KIAA0408: variants seen among roughly 807,000 people sequenced by gnomAD.
The protein encoded by KIAA0408 is uncharacterized protein KIAA0408.
A neutral mutation model predicts 60.9 loss-of-function variants in KIAA0408; 51 were observed. That is an observed-to-expected ratio of 0.84 (90% CI 0.67 to 1.06). KIAA0408 has a LOEUF of 1.06. KIAA0408 is among the 50% of genes least tolerant of loss of function. The pLI, the probability that KIAA0408 is intolerant of heterozygous loss-of-function variation, is 0.00. For missense variants in KIAA0408, 787 were observed against 833.9 expected (o/e 0.94, Z 0.69); for synonymous variants, 304 against 282.4 (o/e 1.08, Z -0.77).
At chr6:127,451,998 AATTTCTAT>A (rs1322969219) in intron 2 of KIAA0408, among the ~76,000 whole-genome samples, 2 of 152,280 alleles carry the variant, frequency 1.3e-5, no homozygotes, top group Non-Finnish European at 2.9e-5. Context: ...TTCTATCCAG[AATTTCTAT>A]CTGGATTATT....
In KIAA0408 at chr6:127,443,085, T is replaced by A. The variant is rs942251670; in HGVS notation, c.*1024A>T. ...TTAGTAAAAAAGTAACTTAGTTTGT[T>A]ATCTATTAATTTTAAGGAAAAGATT... On this transcript the variant is annotated 3_prime_UTR_variant, in exon 6 of 6. Coordinates refer to ENST00000483725, the MANE Select transcript of KIAA0408 (RefSeq NM_014702.5). 7 of 152,170 alleles carry A rather than the reference T, an allele frequency of 4.6e-5. No homozygotes were observed. Among genetic ancestry groups the A allele is most frequent in the African/African-American group, 1.7e-4 (7 of 41,458 alleles). The allele number at this position is 152,170 out of a possible 1,614,324, so 9.4% of individuals were successfully genotyped here. A position where few individuals can be genotyped will look rare whatever the true frequency, so the allele number is the denominator to read the frequency against.
rs145082472 is a variant in KIAA0408 at position 127,447,443 on chromosome 6, C to T, written c.876G>A (p.Arg292=). Residue 292 remains arginine (R), a synonymous_variant, in exon 5 of 6, where the codon AGG becomes AGA. Transcript: ENST00000483725. ...GGGGCACCCAGCTGTTGTGGTCTAA[C>T]CTTTCCTTCCATCTTTCATAGGCTT... ...SEQAYERWKE[R]LDHNSWVPHE... is the part of the protein sequence containing the mutation. 1.3e-5 allele frequency: 21 copies of T among 1,613,848 alleles called. No individual in the cohort carries two copies. The highest frequency in any genetic ancestry group is 8.5e-7 in the Non-Finnish European group (1 of 1,179,964).
chr6:127,441,100 T>C lies in KIAA0408; in HGVS notation c.*3009A>G, dbSNP rs2114782558. On this transcript the variant is annotated 3_prime_UTR_variant, in exon 6 of 6. Coordinates refer to ENST00000483725, the MANE Select transcript of KIAA0408 (RefSeq NM_014702.5). Reference sequence around the variant, plus strand: ...TTCTAATGGCTGAAGGAGATTTCAATATCAAGTAGTTGTTTGTCACAAATG... The same window carrying C: ...TTCTAATGGCTGAAGGAGATTTCAACATCAAGTAGTTGTTTGTCACAAATG... 6.6e-6 allele frequency: 1 copy of C among 152,342 alleles called. No homozygotes were observed. The highest frequency in any genetic ancestry group is 3.4e-3 in the Middle Eastern group (1 of 294). The allele number at this position is 152,342 out of a possible 1,614,324, so 9.4% of individuals were successfully genotyped here. A position where few individuals can be genotyped will look rare whatever the true frequency, so the allele number is the denominator to read the frequency against.
rs745523033 is a variant in KIAA0408 at position 127,449,974 on chromosome 6, ATC to A, written c.498+14_498+15del. ...TTTCTTTAGAAACAGTTCTAGGCCA[ATC>A]ACATCTTACTTACTGTACTGAGGGC... On this transcript the variant is annotated intron_variant, in intron 3 of 5. Coordinates refer to ENST00000483725, the MANE Select transcript of KIAA0408 (RefSeq NM_014702.5). 3.7e-6 allele frequency: 6 copies of A among 1,613,658 alleles called. No individual in the cohort carries two copies. The African/African-American group carries it at 6.7e-5, about 18-fold the overall frequency.
At chr6:127,457,368 A>C (rs769071141) in intron 1 of KIAA0408, among the ~76,000 whole-genome samples, 1 of 152,142 alleles carries the variant, frequency 6.6e-6, no homozygotes, top group Non-Finnish European at 1.5e-5. Context: ...TTTTGTTCCT[A>C]GTTGTCACTC....
chr6:127,448,517 G>A (rs1773243964), intron 4 of KIAA0408, among the ~76,000 whole-genome samples: 1 of 152,074 alleles, frequency 6.6e-6, no homozygotes, highest in Admixed American at 6.5e-5. Context: ...TATTAGGTGT[G>A]ATTTGTAAAA....
Position 127,446,763 on chromosome 6 carries a change from C to G in KIAA0408, c.1556G>C (p.Gly519Ala). Residue 519 changes from glycine (G) to alanine (A), a missense_variant, in exon 5 of 6, where the codon GGC becomes GCC. Transcript: ENST00000483725. ...PDNPTKKSTTGLVRQMQGHLS... is the reference protein window; with the variant it reads ...PDNPTKKSTTALVRQMQGHLS... ...GTGTCCCTGCATTTGTCTTACTAGG[C>G]CTGTTGTGGATTTCTTGGTGGGATT... is the stretch of plus-strand genomic sequence containing the variant. 6.2e-7 allele frequency: 1 copy of G among 1,613,874 alleles called. No individual in the cohort carries two copies. The highest frequency in any genetic ancestry group is 1.3e-5 in the African/African-American group (1 of 74,984).
chr6:127,447,478 C>G lies in KIAA0408; in HGVS notation c.841G>C (p.Asp281His). Residue 281 changes from aspartate to histidine, a missense_variant, in exon 5 of 6, where the codon GAT (aspartate) becomes CAT (histidine). Asp to His is a moderately conservative substitution (Grantham distance 81, BLOSUM62 -1). Around this residue, in one of 3 missense-constraint regions of KIAA0408, gnomAD observed 640 missense variants for 681.3 expected, o/e 0.94. Coordinates refer to ENST00000483725, the MANE Select transcript of KIAA0408 (RefSeq NM_014702.5). ...RSTSRNFPSS[D>H]SEQAYERWKE... ...CATCTTTCATAGGCTTGTTCAGAAT[C>G]CGAGCTGGGAAAATTTCGAGAGGTG... is the stretch of plus-strand genomic sequence containing the variant. The G allele has an allele frequency of 6.2e-7, 1 of 1,613,838 alleles. No individual in the cohort carries two copies. Among genetic ancestry groups the G allele is most frequent in the Middle Eastern group, 1.7e-4 (1 of 6,056 alleles).
At chr6:127,450,466 C>T (rs1773283735) in intron 2 of KIAA0408, 114 bp from the exon 3 acceptor site, 3 of 1,417,620 alleles carry the variant, frequency 2.1e-6, no homozygotes, top group Non-Finnish European at 2.8e-6. Flanking sequence ...AAATATACTT[C>T]CTGGGTATTA....
intron 2 of KIAA0408, 32 bp downstream of exon 2, chr6:127,453,815 T>C (rs1337432788): frequency 6.2e-7 from 1 of 1,601,842 alleles, no homozygotes; most frequent in Admixed American, 1.7e-5. Flanking sequence ...CACTTAAACA[T>C]TACAGTATAT....
Position 127,446,820 on chromosome 6 carries a change from T to C in KIAA0408, c.1499A>G (p.His500Arg). Residue 500 changes from histidine (H) to arginine (R), a missense_variant, in exon 5 of 6, where the codon CAC becomes CGC. Transcript: ENST00000483725. The stretch of plus-strand genomic sequence containing the variant: ...CACATTTTCCATGGGCACAGGCATG[T>C]GGGCATTGGTTTTCCAAATACCGGA... ...DVSGIWKTNA[H>R]MPVPMENVPD... 1.2e-6 allele frequency: 2 copies of C among 1,614,056 alleles called. No homozygotes were observed. Among genetic ancestry groups the C allele is most frequent in the Non-Finnish European group, 1.7e-6 (2 of 1,179,982 alleles).
chr6:127,442,130 C>A lies in KIAA0408; in HGVS notation c.*1979G>T, dbSNP rs1773116719. 6.6e-6 allele frequency: 1 copy of A among 152,138 alleles called. No individual in the cohort carries two copies. Among genetic ancestry groups the A allele is most frequent in the African/African-American group, 2.4e-5 (1 of 41,430 alleles). The allele number at this position is 152,138 out of a possible 1,614,324, so 9.4% of individuals were successfully genotyped here. A position where few individuals can be genotyped will look rare whatever the true frequency, so the allele number is the denominator to read the frequency against. ...TTTGTTTTATTAATGGTTCTGGAGT[C>A]CCAGTCCCTACCCCTGGAAATTTTG... On this transcript the variant is annotated 3_prime_UTR_variant, in exon 6 of 6. Transcript: ENST00000483725.
intron 5 of KIAA0408, among the ~76,000 whole-genome samples, chr6:127,444,936 CTTTTA>C (rs1403632909): frequency 1.3e-5 from 2 of 148,778 alleles, no homozygotes; most frequent in African/African-American, 4.8e-5. Context: ...TCCTTCTTTC[CTTTTA>C]TTTTAATGGA....
In KIAA0408 at chr6:127,444,067, T is replaced by A. The variant is rs1232485459; in HGVS notation, c.*42A>T. The A allele has an allele frequency of 6.3e-7, 1 of 1,591,358 alleles. No individual in the cohort carries two copies. Among genetic ancestry groups the A allele is most frequent in the African/African-American group, 1.3e-5 (1 of 74,372 alleles). On this transcript the variant is annotated 3_prime_UTR_variant, in exon 6 of 6. Coordinates refer to ENST00000483725, the MANE Select transcript of KIAA0408 (RefSeq NM_014702.5). ...CACTCAGAATGCTCTGTTTGACAAG[T>A]GGGACTAGAACTTCTGTAATATAGC...
rs1192379987 is a variant in KIAA0408, at chr6:127,444,302, A to C, written c.1912-20T>G. The stretch of plus-strand genomic sequence containing the variant: ...GGATTCCTAGGACACAAGTAAAAAC[A>C]TTCCTCTCACTCTCTGGGTACCAAC... On this transcript the variant is annotated intron_variant, in intron 5 of 5. Transcript: ENST00000483725. The C allele has an allele frequency of 6.5e-7, 1 of 1,543,332 alleles. No individual in the cohort carries two copies. Among genetic ancestry groups the C allele is most frequent in the East Asian group, 2.3e-5 (1 of 43,296 alleles).
rs1348009847 is a variant in KIAA0408 at position 127,450,227 on chromosome 6, T to C, written c.261A>G (p.Leu87=). The C allele has an allele frequency of 6.2e-7, 1 of 1,614,078 alleles. No homozygotes were observed. The highest frequency in any genetic ancestry group is 1.1e-5 in the South Asian group (1 of 91,082). The change falls in exon 3 of 6, where the codon TTA becomes TTG. Residue 87 remains leucine, a synonymous_variant. Transcript: ENST00000483725. ...VIESSPNYPD[L]GQSEFIRTNH... ...TCGTCCTTATAAATTCACTTTGTCC[T>C]AAATCGGGGTAATTTGGGGAAGATT... is the stretch of plus-strand genomic sequence containing the variant.
intron 2 of KIAA0408, chr6:127,451,103 T>G (rs1396290101): frequency 2.9e-6 from 1 of 342,672 alleles, no homozygotes; most frequent in Non-Finnish European, 5.7e-6. Context: ...CACTTCTGAA[T>G]AGAGGAAAGA....
Position 127,440,160 on chromosome 6 carries a change from T to A in KIAA0408, c.*3949A>T, listed in dbSNP as rs796442011. On this transcript the variant is annotated 3_prime_UTR_variant, in exon 6 of 6. Coordinates refer to ENST00000483725, the MANE Select transcript of KIAA0408 (RefSeq NM_014702.5). ...ATTTTATTCCCAATAAAACAAAAAATTATTTTCTATGATGAATATGCATAC... is the reference window on the plus strand; with the variant it reads ...ATTTTATTCCCAATAAAACAAAAAAATATTTTCTATGATGAATATGCATAC... The A allele has an allele frequency of 2.8e-4, 43 of 152,252 alleles. No individual in the cohort carries two copies. The highest frequency in any genetic ancestry group is 9.9e-4 in the African/African-American group (41 of 41,544). 9.4% of individuals were successfully genotyped at this position (152,252 alleles called of 1,614,324 possible). A position where few individuals can be genotyped will look rare whatever the true frequency, so the allele number is the denominator to read the frequency against.
chr6:127,451,599 C>A (rs560440738), intron 2 of KIAA0408, among the ~76,000 whole-genome samples: 2 of 151,950 alleles, frequency 1.3e-5, no homozygotes. Flanking sequence ...GTTGCAAAAC[C>A]GGGAAAAATG....
Sources: gnomAD v4.1 joint callset for allele counts (sites outside exome capture counted in the v4.1 genomes callset) on GRCh38, gnomAD v4.1.1 for gene constraint, gnomAD v4.1.1 regional missense constraint, MANE v1.5 for transcripts, NCBI Gene and HGNC (gene_info 2026-07-23, HGNC 2026-07-21) for gene names.